Variants in RIPK4 observed in about 807,000 individuals in gnomAD.
RIPK4 encodes receptor interacting serine/threonine kinase 4.
Under a neutral mutation model 42.9 loss-of-function variants are expected in RIPK4, and 17 were observed. That is an observed-to-expected ratio of 0.40 (90% CI 0.27 to 0.59). The LOEUF (loss-of-function observed/expected upper bound fraction) is 0.59, where lower values mean the gene tolerates loss of function less well. RIPK4 is among the 20% of genes least tolerant of loss of function. The pLI is 0.47. For missense variants in RIPK4, 897 were observed against 1,104.4 expected (o/e 0.81, Z 2.66); for synonymous variants, 498 against 499.1 (o/e 1.00, Z 0.03).
rs574722436 is a variant in RIPK4, at chr21:41,741,915, C to G, written c.1278G>C (p.Leu426=). The change falls in exon 8 of 8, where the codon CTG becomes CTC. Residue 426 remains leucine (L), a synonymous_variant. Transcript: ENST00000332512. ...SGDTSKLMKI[L]QPQDVDLALD... ...GTGCCAGGTCCACGTCCTGCGGCTG[C>G]AGGATCTTCATCAGTTTGCTGGTGT... is the stretch of plus-strand genomic sequence containing the variant. 3.7e-6 allele frequency: 6 copies of G among 1,613,382 alleles called. No homozygotes were observed. The African/African-American group carries it at 6.7e-5, about 18-fold the overall frequency.
intron 3 of RIPK4, among the ~76,000 whole-genome samples, chr21:41,750,148 T>A (rs1042238191): frequency 6.6e-6 from 1 of 152,156 alleles, no homozygotes; most frequent in Non-Finnish European, 1.5e-5. Flanking sequence ...GCTAAGCACA[T>A]GCACAATGGC....
intron 1 of RIPK4, among the ~76,000 whole-genome samples, chr21:41,757,940 A>G (rs189125881): frequency 2.9e-4 from 42 of 142,486 alleles, no homozygotes; most frequent in Admixed American, 2.9e-4. Flanking sequence ...CGGAGGTTAC[A>G]GTGAGCCGAG....
chr21:41,745,202 C>A (rs1455836334), intron 6 of RIPK4, among the ~76,000 whole-genome samples: 1 of 152,176 alleles, frequency 6.6e-6, no homozygotes, highest in Admixed American at 6.5e-5. Flanking sequence ...TGAGCTCACA[C>A]CAACAGCCTG....
At chr21:41,750,978 C>T (rs755349132) in intron 3 of RIPK4, 119 bp downstream of exon 3, 15 of 1,335,888 alleles carry the variant, frequency 1.1e-5, no homozygotes, top group Admixed American at 8.9e-5. Context: ...GCGCCTGGCC[C>T]GAGCCCCATT....
At chr21:41,750,674 C>T (rs1256297452) in intron 3 of RIPK4, among the ~76,000 whole-genome samples, 1 of 152,056 alleles carries the variant, frequency 6.6e-6, no homozygotes, top group African/African-American at 2.4e-5. Flanking sequence ...GTGGACTTAG[C>T]CCCCTTTCTG....
At chr21:41,744,871 AAG>A (rs1016819119) in intron 6 of RIPK4, among the ~76,000 whole-genome samples, 3 of 152,194 alleles carry the variant, frequency 2.0e-5, no homozygotes, top group African/African-American at 7.2e-5. Context: ...GGGCCTTTTA[AAG>A]AGTCTCGCTT....
At chr21:41,748,636 G>A (rs918542891) in intron 4 of RIPK4, among the ~76,000 whole-genome samples, 4 of 152,198 alleles carry the variant, frequency 2.6e-5, no homozygotes, top group African/African-American at 9.6e-5. Flanking sequence ...CGGCTGACAT[G>A]CTAAGTTTTG....
At chr21:41,758,053 G>T (rs1358821165) in intron 1 of RIPK4, among the ~76,000 whole-genome samples, 166 of 125,774 alleles carry the variant, frequency 1.3e-3, no homozygotes, top group Middle Eastern at 9.3e-3. Context: ...GAGAGAGAGA[G>T]AGAGAGAGAG....
At chr21:41,754,626 T>C (rs1475054780) in intron 2 of RIPK4, among the ~76,000 whole-genome samples, 1 of 152,196 alleles carries the variant, frequency 6.6e-6, no homozygotes, top group Non-Finnish European at 1.5e-5. Flanking sequence ...TCTCTGCGTC[T>C]CTTGGGCTGT....
chr21:41,753,370 T>TA (rs2061194084), intron 2 of RIPK4, among the ~76,000 whole-genome samples: 1 of 152,212 alleles, frequency 6.6e-6, no homozygotes, highest in Admixed American at 6.5e-5. Context: ...CTTTGTCAGA[T>TA]AGAGCCAGCC....
Position 41,741,790 on chromosome 21 carries a change from T to C in RIPK4, c.1403A>G (p.Asn468Ser). The change falls in exon 8 of 8, where the codon AAC (asparagine) becomes AGC (serine). Residue 468 changes from asparagine to serine, a missense_variant. Coordinates refer to ENST00000332512, the MANE Select transcript of RIPK4 (RefSeq NM_020639.3). ...LLNNANPNLS[N>S]RRGSTPLHMA... Reference sequence around the variant, plus strand: ...GTGCAACGGGGTGGAGCCCCTACGGTTGCTCAGGTTGGGGTTGGCATTGTT... The same window carrying C: ...GTGCAACGGGGTGGAGCCCCTACGGCTGCTCAGGTTGGGGTTGGCATTGTT... 1 of 1,611,372 alleles carries C rather than the reference T, an allele frequency of 6.2e-7. No homozygotes were observed. The highest frequency in any genetic ancestry group is 8.5e-7 in the Non-Finnish European group (1 of 1,179,996).
intron 1 of RIPK4, among the ~76,000 whole-genome samples, chr21:41,758,021 A>AATATATAT (rs1195745927): frequency 2.1e-4 from 11 of 51,362 alleles, no homozygotes; most frequent in African/African-American, 9.1e-4. Flanking sequence ...AAAAAAAAAA[A>AATATATAT]ATATATATAT....
chr21:41,745,932 G>C (rs528004611), intron 5 of RIPK4, 70 bp from the exon 6 acceptor site: 1 of 1,234,306 alleles, frequency 8.1e-7, no homozygotes, highest in South Asian at 1.2e-5. Flanking sequence ...CCATATAAAC[G>C]CAGGGCCCCC....
intron 2 of RIPK4, among the ~76,000 whole-genome samples, chr21:41,753,909 C>A (rs2061195589): frequency 6.6e-6 from 1 of 152,162 alleles, no homozygotes; most frequent in African/African-American, 2.4e-5. Flanking sequence ...GAAATTGATT[C>A]CAACTAGTAT....
At chr21:41,760,381 AAG>A (rs1417839834) in intron 1 of RIPK4, among the ~76,000 whole-genome samples, 1 of 152,158 alleles carries the variant, frequency 6.6e-6, no homozygotes, top group Non-Finnish European at 1.5e-5. Context: ...CTACCCCCAA[AAG>A]AGAAGTGTGG....
In RIPK4 at chr21:41,744,102, G is replaced by A; in HGVS notation, c.975C>T (p.Thr325=). 1 of 1,606,924 alleles carries A rather than the reference G, an allele frequency of 6.2e-7. No homozygotes were observed. The highest frequency in any genetic ancestry group is 1.1e-5 in the South Asian group (1 of 90,630). The part of the protein sequence containing the change: ...PARLKRASAP[T]FDNDYSLSEL... ...CGGAGAGGCTGTAGTCGTTATCGAAGGTGGGGGCAGAGGCCCGCTTGAGCC... is the reference window on the plus strand; with the variant it reads ...CGGAGAGGCTGTAGTCGTTATCGAAAGTGGGGGCAGAGGCCCGCTTGAGCC... Residue 325 remains threonine, a synonymous_variant, in exon 7 of 8, where the codon ACC becomes ACT. Coordinates refer to ENST00000332512, the MANE Select transcript of RIPK4 (RefSeq NM_020639.3).
chr21:41,759,447 T>C (rs769245987), intron 1 of RIPK4, among the ~76,000 whole-genome samples: 1 of 152,100 alleles, frequency 6.6e-6, no homozygotes, highest in Non-Finnish European at 1.5e-5. Context: ...AGAACCACAC[T>C]AGGAGAGATC....
intron 1 of RIPK4, among the ~76,000 whole-genome samples, chr21:41,758,021 A>ATAT (rs1233559197): frequency 3.9e-5 from 2 of 51,372 alleles, no homozygotes; most frequent in Admixed American, 2.8e-4. Context: ...AAAAAAAAAA[A>ATAT]ATATATATAT....
chr21:41,762,357 C>T (rs1259677148), intron 1 of RIPK4, among the ~76,000 whole-genome samples: 2 of 152,188 alleles, frequency 1.3e-5, no homozygotes, highest in African/African-American at 2.4e-5. Context: ...GCCTGGATTT[C>T]GCTCAGAAGC....
Sources: allele counts gnomAD v4.1 joint callset (sites outside exome capture counted in the v4.1 genomes callset), GRCh38; gene constraint gnomAD v4.1.1; transcripts MANE v1.5; gene names NCBI Gene and HGNC (gene_info 2026-07-23, HGNC 2026-07-21).